APP: variants seen among roughly 807,000 people sequenced by gnomAD.
APP encodes amyloid beta precursor protein.
A neutral mutation model predicts 101.4 loss-of-function variants in APP; 31 were observed. The ratio of observed to expected loss-of-function variants is 0.31; its 90% CI spans 0.23 to 0.41. The LOEUF is 0.41. APP is among the 10% of genes least tolerant of loss of function. The probability of loss-of-function intolerance (pLI) is 1.00; values close to 1 mark genes in which losing one functional copy is unlikely to be tolerated. For missense variants in APP, 839 were observed against 1,003.7 expected, an observed-to-expected ratio of 0.84 and a Z score of 2.22; for synonymous variants, 366 against 364.4, an observed-to-expected ratio of 1.00 and a Z score of -0.05.
At position 25,924,379 on chromosome 21, in the gene APP, TA is replaced by T. The variant is rs71183533; in HGVS notation, c.1688-12418del. ...ATGTACCCTAAAACTTAAAGTATAA[TA>T]AAAAAAAAAAAAGATTTGAATTTGC... On this transcript the variant is annotated intron_variant, in intron 13 of 17. Transcript: ENST00000346798. Among the ~76,000 whole-genome samples the T allele has an allele frequency of 3.3e-3, 166 of 51,076 alleles. 2 individuals are homozygous for T. The highest frequency in any genetic ancestry group is 8.0e-3 in the African/African-American group (97 of 12,114). 33.5% of individuals were successfully genotyped at this position (51,076 alleles called of 152,430 possible).
At chr21:26,127,946 T>C (rs2062717153) in intron 1 of APP, among the ~76,000 whole-genome samples, 1 of 152,204 alleles carries the variant, frequency 6.6e-6, no homozygotes, top group Non-Finnish European at 1.5e-5. Flanking sequence ...ATACACAGCA[T>C]TTGAAATCTC....
At chr21:25,892,445 A>T (rs988321459) in intron 16 of APP, among the ~76,000 whole-genome samples, 1 of 144,748 alleles carries the variant, frequency 6.9e-6, no homozygotes, top group Admixed American at 7.1e-5. Context: ...GTTAAACAAT[A>T]GAAAAAAAGA....
At chr21:25,946,263 C>T (rs1569090859) in intron 13 of APP, among the ~76,000 whole-genome samples, 1 of 152,024 alleles carries the variant, frequency 6.6e-6, no homozygotes, top group Non-Finnish European at 1.5e-5. Context: ...CAAAAGGATC[C>T]TATTAAGGAA....
In APP at chr21:25,939,941, A is replaced by G. The variant is rs187605877; in HGVS notation, c.1687+14649T>C. Among the ~76,000 whole-genome samples the G allele has an allele frequency of 2.0e-5, 3 of 152,264 alleles. No homozygotes were observed. In the East Asian group the frequency reaches 5.8e-4, roughly 29 times the overall value. ...AGCATCTCCTTCCTTTTTAATCAGAATTATATAGGAATTAAGAACTCTAAG... is the reference window on the plus strand; with the variant it reads ...AGCATCTCCTTCCTTTTTAATCAGAGTTATATAGGAATTAAGAACTCTAAG... On this transcript the variant is annotated intron_variant, in intron 13 of 17. Transcript: ENST00000346798.
At chr21:26,170,527 T>G in intron 1 of APP, 37 bp downstream of exon 1, 1 of 1,534,682 alleles carries the variant, frequency 6.5e-7, no homozygotes, top group Non-Finnish European at 8.7e-7. Flanking sequence ...GTCCCCACCG[T>G]GCAGCCTCCC....
Position 25,881,431 on chromosome 21 carries a change from A to G in APP, c.*239T>C. ...ACAGCTAAATTCTTTACAGTACACA[A>G]AACCCATTAATAATGTAGTATAGAG... On this transcript the variant is annotated 3_prime_UTR_variant, in exon 18 of 18. Transcript: ENST00000346798. 5 of 577,562 alleles carry G rather than the reference A, an allele frequency of 8.7e-6. No homozygotes were observed. The South Asian group carries it at 9.9e-5, about 11-fold the overall frequency. The allele number at this position is 577,562 out of a possible 1,614,324, so 35.8% of individuals were successfully genotyped here. A position where few individuals can be genotyped will look rare whatever the true frequency, so the allele number is the denominator to read the frequency against.
rs942109150 is a variant in APP at position 26,153,478 on chromosome 21, C to T, written c.57+17086G>A. 7.3e-5 allele frequency among the ~76,000 whole-genome samples: 11 copies of T among 150,226 alleles called. No individual in the cohort carries two copies. In the East Asian group the frequency reaches 2.1e-3, roughly 29 times the overall value. ...ACCTTGTTGTTGTTGTTGTTTTTCA[C>T]TTTTTTAAAAAACATAGAGATGGGA... On this transcript the variant is annotated intron_variant, in intron 1 of 17. Coordinates refer to ENST00000346798, the MANE Select transcript of APP (RefSeq NM_000484.4).
intron 1 of APP, among the ~76,000 whole-genome samples, chr21:26,127,574 G>A (rs2062710706): frequency 6.6e-6 from 1 of 152,138 alleles, no homozygotes; most frequent in South Asian, 2.1e-4. Context: ...GAGACCTCAG[G>A]GGACTTACAG....
chr21:25,956,572 AAAAC>A (rs765386125), intron 11 of APP, among the ~76,000 whole-genome samples: 4 of 152,246 alleles, frequency 2.6e-5, no homozygotes, highest in Non-Finnish European at 5.9e-5. Context: ...CTTCTTCATT[AAAAC>A]AAACAAACAA....
chr21:26,168,660 T>C (rs1224269291), intron 1 of APP, among the ~76,000 whole-genome samples: 7 of 152,368 alleles, frequency 4.6e-5, no homozygotes, highest in South Asian at 2.1e-4. Flanking sequence ...CTTAAATGTA[T>C]GGTTTTTAAT....
chr21:25,962,139 G>C (rs138342028), intron 11 of APP, among the ~76,000 whole-genome samples: 5 of 152,246 alleles, frequency 3.3e-5, no homozygotes, highest in Non-Finnish European at 4.4e-5. Context: ...ACAGTGTTTA[G>C]CTCATAATTA....
chr21:26,131,424 C>T (rs186567132), intron 1 of APP, among the ~76,000 whole-genome samples: 29 of 152,166 alleles, frequency 1.9e-4, no homozygotes, highest in East Asian at 5.8e-4. Flanking sequence ...AAGACAATTG[C>T]GCATAGAGCA....
rs1206311668 is a variant in APP at position 25,880,695 on chromosome 21, T to G, written c.*975A>C. On this transcript the variant is annotated 3_prime_UTR_variant, in exon 18 of 18. Transcript: ENST00000346798. Reference sequence around the variant, plus strand: ...TTTTCATCTTCTTTTGTATCATAAATGAAACTTCAGACTGGTTAAAGAAAA... The same window carrying G: ...TTTTCATCTTCTTTTGTATCATAAAGGAAACTTCAGACTGGTTAAAGAAAA... 2.0e-5 allele frequency: 3 copies of G among 152,250 alleles called. No individual in the cohort carries two copies. The highest frequency in any genetic ancestry group is 4.4e-5 in the Non-Finnish European group (3 of 68,040). The allele number at this position is 152,250 out of a possible 1,614,324, so 9.4% of individuals were successfully genotyped here. A position where few individuals can be genotyped will look rare whatever the true frequency, so the allele number is the denominator to read the frequency against.
intron 11 of APP, among the ~76,000 whole-genome samples, chr21:25,957,088 T>C (rs1414644702): frequency 6.6e-6 from 1 of 152,194 alleles, no homozygotes; most frequent in Non-Finnish European, 1.5e-5. Flanking sequence ...AACAAATACA[T>C]ATACACAATA....
At chr21:25,905,130 T>A in intron 14 of APP, 53 bp from the exon 15 acceptor site, 1 of 1,493,300 alleles carries the variant, frequency 6.7e-7, no homozygotes, top group Non-Finnish European at 9.3e-7. Flanking sequence ...ATCAAGATGG[T>A]AAGTCGTGGC....
chr21:25,995,636 C>T (rs1246629213), intron 8 of APP, among the ~76,000 whole-genome samples: 1 of 152,216 alleles, frequency 6.6e-6, no homozygotes, highest in Non-Finnish European at 1.5e-5. Flanking sequence ...ACTCAACATG[C>T]GTACCTATGT....
intron 11 of APP, among the ~76,000 whole-genome samples, chr21:25,957,255 C>T (rs1043139595): frequency 6.6e-6 from 1 of 152,114 alleles, no homozygotes; most frequent in Non-Finnish European, 1.5e-5. Context: ...ATTTACAAAT[C>T]AGAGGATGAC....
intron 6 of APP, among the ~76,000 whole-genome samples, chr21:26,012,346 A>C (rs1238721942): frequency 6.6e-6 from 1 of 151,966 alleles, no homozygotes; most frequent in Non-Finnish European, 1.5e-5. Context: ...CAATGTTTAC[A>C]ATTTGGGCTG....
At chr21:26,024,304 C>T (rs2044473424) in intron 5 of APP, among the ~76,000 whole-genome samples, 1 of 150,762 alleles carries the variant, frequency 6.6e-6, no homozygotes, top group Admixed American at 6.6e-5. Flanking sequence ...TTATAATGTA[C>T]CCAGAAGGAA....
Sources: gnomAD v4.1 joint callset for allele counts (sites outside exome capture counted in the v4.1 genomes callset) on GRCh38, gnomAD v4.1.1 for gene constraint, MANE v1.5 for transcripts, NCBI Gene and HGNC (gene_info 2026-07-23, HGNC 2026-07-21) for gene names.